The following PAX2 variants were observed in gnomAD, a reference collection of about 807,000 sequenced individuals.
PAX2 encodes paired box 2, also known as paired box protein Pax-2.
In PAX2, 9 loss-of-function variants were observed where a neutral mutation model predicts 41.7. That is an observed-to-expected ratio of 0.22 (90% CI 0.13 to 0.38). PAX2 has a LOEUF of 0.38. PAX2 is among the 10% of genes least tolerant of loss of function. PAX2 has a pLI of 1.00. For synonymous variants in PAX2, 221 were observed against 212.7 expected (o/e 1.04, Z -0.34); for missense variants, 418 against 531.6 (o/e 0.79, Z 2.10).
chr10:100,798,305 G>A (rs1464045674), intron 5 of PAX2, among the ~76,000 whole-genome samples: 1 of 151,672 alleles, frequency 6.6e-6, no homozygotes, highest in Admixed American at 6.6e-5. Context: ...TGGTAGAGAC[G>A]GGGTTTCACC....
At chr10:100,752,458 G>A (rs1845477247) in intron 3 of PAX2, among the ~76,000 whole-genome samples, 1 of 152,200 alleles carries the variant, frequency 6.6e-6, no homozygotes, top group African/African-American at 2.4e-5. Flanking sequence ...AGGGGACAAA[G>A]CATTGTTTTA....
chr10:100,816,719 C>T (rs574046173), intron 7 of PAX2, among the ~76,000 whole-genome samples: 103 of 152,292 alleles, frequency 6.8e-4, no homozygotes, highest in Non-Finnish European at 1.3e-3. Context: ...TTTTGCAACC[C>T]TGAGCTTTGG....
Position 100,779,536 on chromosome 10 carries a change from C to A in PAX2, c.449C>A (p.Thr150Lys), listed in dbSNP as rs373723559. ...RTKVQQPFHP[T>K]PDGAGTGVTA... ...AAAGTTCAGCAGCCTTTCCACCCAACGCCGGATGGGGCTGGGACAGGAGTG... is the reference window on the plus strand; with the variant it reads ...AAAGTTCAGCAGCCTTTCCACCCAAAGCCGGATGGGGCTGGGACAGGAGTG... Residue 150 changes from threonine (T) to lysine (K), a missense_variant, in exon 4 of 10, where the codon ACG becomes AAG. Physicochemically the swap from Thr to Lys is moderately conservative, Grantham distance 78. Coordinates refer to ENST00000355243, the MANE Select transcript of PAX2 (RefSeq NM_000278.5). 6.3e-7 allele frequency: 1 copy of A among 1,597,480 alleles called. No homozygotes were observed.
At chr10:100,740,819 C>T (rs1273606516), upstream of PAX2, among the ~76,000 whole-genome samples, 1 of 152,188 alleles carries the variant, frequency 6.6e-6, no homozygotes, top group Non-Finnish European at 1.5e-5. Context: ...AGGCTGTGTC[C>T]AGGTCTGAGC....
intron 6 of PAX2, among the ~76,000 whole-genome samples, chr10:100,807,498 C>T (rs1162734513): frequency 2.7e-5 from 4 of 147,242 alleles, no homozygotes; most frequent in African/African-American, 1.0e-4. Context: ...ACCTGCTCCC[C>T]CGACCACAGC....
intron 3 of PAX2, among the ~76,000 whole-genome samples, chr10:100,760,607 G>T (rs1427653353): frequency 6.6e-6 from 1 of 152,308 alleles, no homozygotes; most frequent in East Asian, 1.9e-4. Flanking sequence ...GTTGTTTCTT[G>T]TGTGTCTGCT....
chr10:100,811,212 A>G (rs988158682), intron 7 of PAX2, among the ~76,000 whole-genome samples: 7 of 152,250 alleles, frequency 4.6e-5, no homozygotes, highest in African/African-American at 1.4e-4. Flanking sequence ...TTGGATTAAT[A>G]GTGCCATTAC....
rs145547280 is a variant in PAX2, at chr10:100,776,482, C to G, written c.411-3016C>G. On this transcript the variant is annotated intron_variant, in intron 3 of 9. Coordinates refer to ENST00000355243, the MANE Select transcript of PAX2 (RefSeq NM_000278.5). ...ACCTATCTTGGTTCTGCCATTTCCT[C>G]TGCAATTAATTCTCTGAATCCTTTG... Among the ~76,000 whole-genome samples the G allele has an allele frequency of 4.8e-3, 728 of 152,344 alleles. 2 individuals are homozygous for G. Among genetic ancestry groups the G allele is most frequent in the African/African-American group, 0.015 (619 of 41,584 alleles).
Position 100,828,113 on chromosome 10 carries a change from T to G in PAX2, c.*494T>G. On this transcript the variant is annotated 3_prime_UTR_variant, in exon 10 of 10. Coordinates refer to ENST00000355243, the MANE Select transcript of PAX2 (RefSeq NM_000278.5). The surrounding 1 kb of genome is among the most constrained non-coding windows in gnomAD (Gnocchi z 6.5). ...GCTGGAGGGGCTGGGCCAAGGAGAT[T>G]AAGAAGAAAACGACTTTCTGCAGGA... The G allele has an allele frequency of 4.4e-6, 1 of 229,710 alleles. No homozygotes were observed. Among genetic ancestry groups the G allele is most frequent in the African/African-American group, 2.2e-5 (1 of 45,050 alleles). 14.2% of individuals were successfully genotyped at this position (229,710 alleles called of 1,614,324 possible).
rs556343610 is a variant in PAX2, at chr10:100,802,141, T to C, written c.617-4289T>C. Among the ~76,000 whole-genome samples the C allele has an allele frequency of 3.4e-3, 512 of 152,278 alleles. 10 individuals are homozygous for C. Among genetic ancestry groups the C allele is most frequent in the Non-Finnish European group, 2.4e-3 (166 of 68,020 alleles). ...GTCCCTTCCTTGCTCTGTTTGGTCT[T>C]ATTAAACCCACAGCCACCATATTTT... On this transcript the variant is annotated intron_variant, in intron 5 of 9. Coordinates refer to ENST00000355243, the MANE Select transcript of PAX2 (RefSeq NM_000278.5).
chr10:100,783,585 G>A (rs761504492), intron 5 of PAX2, among the ~76,000 whole-genome samples: 2 of 152,072 alleles, frequency 1.3e-5, no homozygotes, highest in Non-Finnish European at 1.5e-5. Context: ...GAGATGTGGT[G>A]GACAGTAAGG....
intron 6 of PAX2, 105 bp from the exon 7 acceptor site, chr10:100,809,005 A>G (rs1847896161): frequency 6.7e-6 from 7 of 1,050,682 alleles, no homozygotes; most frequent in Non-Finnish European, 1.0e-5. Context: ...ATCTCTTTCT[A>G]CCCCATCTGG....
upstream of PAX2, among the ~76,000 whole-genome samples, chr10:100,744,869 G>T (rs1845092842): frequency 1.3e-5 from 2 of 152,220 alleles, no homozygotes; most frequent in South Asian, 4.1e-4. Context: ...GACTGGGGAG[G>T]CCCTGCGCAC....
chr10:100,827,968 C>G lies in PAX2; in HGVS notation c.*349C>G, dbSNP rs1848648135. ...CCCCGAAGCCCGCCAGCCACCCTGC[C>G]GGACTCGGGCGCGACCTGCTGGCGC... is the stretch of plus-strand genomic sequence containing the variant. On this transcript the variant is annotated 3_prime_UTR_variant, in exon 10 of 10. Coordinates refer to ENST00000355243, the MANE Select transcript of PAX2 (RefSeq NM_000278.5). The surrounding 1 kb of genome is among the most constrained non-coding windows in gnomAD (Gnocchi z 8.5). The G allele has an allele frequency of 3.3e-6, 1 of 306,588 alleles. No homozygotes were observed. Among genetic ancestry groups the G allele is most frequent in the Non-Finnish European group, 5.9e-6 (1 of 168,740 alleles). The allele number at this position is 306,588 out of a possible 1,614,324, so 19.0% of individuals were successfully genotyped here. A position where few individuals can be genotyped will look rare whatever the true frequency, so the allele number is the denominator to read the frequency against.
chr10:100,823,545 C>T (rs1251454325), intron 7 of PAX2, among the ~76,000 whole-genome samples: 1 of 152,126 alleles, frequency 6.6e-6, no homozygotes, highest in Non-Finnish European at 1.5e-5. Flanking sequence ...ATGCATAGTT[C>T]TGTTACTTTC....
chr10:100,785,183 A>C (rs1846797216), intron 5 of PAX2, among the ~76,000 whole-genome samples: 1 of 152,114 alleles, frequency 6.6e-6, no homozygotes, highest in Non-Finnish European at 1.5e-5. Context: ...TGGAGGAGAG[A>C]GATTCTTGTA....
intron 3 of PAX2, among the ~76,000 whole-genome samples, chr10:100,751,298 G>A (rs759633682): frequency 6.6e-6 from 1 of 152,140 alleles, no homozygotes; most frequent in Non-Finnish European, 1.5e-5. Flanking sequence ...CCCAGGGGCC[G>A]CCGCTTGTCC....
At chr10:100,747,710 C>T in intron 1 of PAX2, 1 of 984,538 alleles carries the variant, frequency 1.0e-6, no homozygotes. Flanking sequence ...ATATATTTTT[C>T]TAAGTAATTT....
intron 3 of PAX2, among the ~76,000 whole-genome samples, chr10:100,755,567 T>C (rs549977696): frequency 6.6e-6 from 1 of 152,204 alleles, no homozygotes; most frequent in South Asian, 2.1e-4. Context: ...ATTGCTTTTA[T>C]TATCGCTCAG....
Sources: allele counts gnomAD v4.1 joint callset (sites outside exome capture counted in the v4.1 genomes callset), GRCh38; gene constraint gnomAD v4.1.1; non-coding constraint Gnocchi (gnomAD v3.1); transcripts MANE v1.5; gene names NCBI Gene and HGNC (gene_info 2026-07-23, HGNC 2026-07-21).